Variants in FARP1 observed in about 807,000 individuals in gnomAD.
FARP1 encodes the protein FERM, ARHGEF and pleckstrin domain-containing protein 1.
A neutral mutation model predicts 128.8 loss-of-function variants in FARP1; 52 were observed. The observed-to-expected ratio is 0.40, with a 90% CI of 0.32 to 0.51. The LOEUF is 0.51. Among genes scored for constraint, FARP1 ranks in the 20% least tolerant of loss-of-function variants. The pLI is 0.45. For missense variants in FARP1, 1,333 were observed against 1,367.9 expected (o/e 0.97, Z 0.40); for synonymous variants, 580 against 551.8 (o/e 1.05, Z -0.72).
intron 16 of FARP1, 80 bp from the exon 17 acceptor site, chr13:98,424,492 G>A (rs1891705125): frequency 8.0e-6 from 7 of 872,724 alleles, no homozygotes; most frequent in Middle Eastern, 2.1e-4. Flanking sequence ...GAAAGGAAGC[G>A]GTAGGCTGAT....
At position 98,308,033 on chromosome 13, in the gene FARP1, CTTTTTTTTTTTTTTTTT is replaced by C. The variant is rs10536692; in HGVS notation, c.172-35713_172-35697del. 4.8e-3 allele frequency among the ~76,000 whole-genome samples: 82 copies of C among 16,976 alleles called. 1 individual carries two copies. The highest frequency in any genetic ancestry group is 0.012 in the African/African-American group (78 of 6,650). 11.1% of individuals were successfully genotyped at this position (16,976 alleles called of 152,430 possible). Reference sequence around the variant, plus strand: ...CCCTCCGCCCGCCCCCACTCTCTCTCTTTTTTTTTTTTTTTTTTTTTTTTTTTTTTTTGCTAAATGCA... The same window carrying C: ...CCCTCCGCCCGCCCCCACTCTCTCTCTTTTTTTTTTTTTTTGCTAAATGCA... On this transcript the variant is annotated intron_variant, in intron 2 of 26. Transcript: ENST00000319562.
At chr13:98,236,816 C>T (rs1882446838) in intron 2 of FARP1, among the ~76,000 whole-genome samples, 1 of 151,032 alleles carries the variant, frequency 6.6e-6, no homozygotes, top group African/African-American at 2.4e-5. Flanking sequence ...GGTGAAACCC[C>T]ATCTCTACTA....
At chr13:98,433,402 G>C (rs1478474704) in intron 18 of FARP1, 1 of 152,234 alleles carries the variant, frequency 6.6e-6, no homozygotes, top group African/African-American at 2.4e-5. Context: ...GGTGCCTCCT[G>C]ACATGGTTTG....
chr13:98,217,806 C>G (rs1881170800), intron 2 of FARP1, among the ~76,000 whole-genome samples: 2 of 152,208 alleles, frequency 1.3e-5, no homozygotes, highest in African/African-American at 4.8e-5. Context: ...GCCTCTTGTT[C>G]TTGTTCGTCA....
chr13:98,453,106 C>CT lies in FARP1; in HGVS notation c.*4793dup, dbSNP rs1218523944. The CT allele has an allele frequency of 6.3e-7, 1 of 1,593,588 alleles. No homozygotes were observed. Among genetic ancestry groups the CT allele is most frequent in the African/African-American group, 1.3e-5 (1 of 74,314 alleles). On this transcript the variant is annotated 3_prime_UTR_variant, in exon 27 of 27. Coordinates refer to ENST00000319562, the MANE Select transcript of FARP1 (RefSeq NM_005766.4). ...TGGAGTCAGCGAAGGCTCTCGTTGA[C>CT]TTTTAAAAAAGGAGGAGGATGAAGA...
intron 2 of FARP1, among the ~76,000 whole-genome samples, chr13:98,308,308 C>T (rs571692158): frequency 3.9e-5 from 6 of 152,254 alleles, no homozygotes; most frequent in African/African-American, 9.6e-5. Flanking sequence ...TCAAGGTCAC[C>T]GCTCTTCTCG....
Position 98,225,042 on chromosome 13 carries a change from C to T in FARP1, c.171+11629C>T, listed in dbSNP as rs181799047. Among the ~76,000 whole-genome samples, 16 of 152,258 alleles carry T rather than the reference C, an allele frequency of 1.1e-4. No homozygotes were observed. In the South Asian group the frequency reaches 1.2e-3, roughly 12 times the overall value. ...CACAGACATGCTCTGAATTTCTAGA[C>T]GGTCTTAGCAGTAGAATTCAAATGA... is the stretch of plus-strand genomic sequence containing the variant. On this transcript the variant is annotated intron_variant, in intron 2 of 26. Coordinates refer to ENST00000319562, the MANE Select transcript of FARP1 (RefSeq NM_005766.4).
rs1183517137 is a variant in FARP1 at position 98,450,261 on chromosome 13, C to T, written c.*1944C>T. 6.6e-6 allele frequency: 1 copy of T among 152,086 alleles called. No individual in the cohort carries two copies. Among genetic ancestry groups the T allele is most frequent in the Non-Finnish European group, 1.5e-5 (1 of 68,016 alleles). The allele number at this position is 152,086 out of a possible 1,614,324, so 9.4% of individuals were successfully genotyped here. ...ACAGTCCCTGTGCTTAAGAACATGC[C>T]CTATTAGGTCACTCTGCCTTTGCTG... On this transcript the variant is annotated 3_prime_UTR_variant, in exon 27 of 27. Transcript: ENST00000319562.
At chr13:98,289,048 A>G (rs1168456814) in intron 2 of FARP1, among the ~76,000 whole-genome samples, 2 of 150,068 alleles carry the variant, frequency 1.3e-5, no homozygotes, top group East Asian at 2.0e-4. Flanking sequence ...AATGTTTGCG[A>G]TACCGTGTAC....
chr13:98,403,948 G>T, intron 13 of FARP1: 1 of 152,794 alleles, frequency 6.5e-6, no homozygotes, highest in South Asian at 1.8e-4. Context: ...AGTACAAGAT[G>T]GTATTTTTCA....
At chr13:98,448,080 G>T (rs1045206982) in intron 26 of FARP1, 156 bp from the exon 27 acceptor site, 1 of 662,366 alleles carries the variant, frequency 1.5e-6, no homozygotes, top group East Asian at 2.7e-5. Context: ...CCTCAGGAAC[G>T]CCTGGGTGCT....
At chr13:98,219,360 C>CTT (rs772970842) in intron 2 of FARP1, among the ~76,000 whole-genome samples, 17 of 145,008 alleles carry the variant, frequency 1.2e-4, no homozygotes, top group Admixed American at 4.2e-4. Context: ...ATTAAAAAGT[C>CTT]TTTTTTTTTT....
At chr13:98,207,907 TCCACACACACACACACACACACACAC>T (rs1458478076) in intron 1 of FARP1, among the ~76,000 whole-genome samples, 5 of 33,150 alleles carry the variant, frequency 1.5e-4, no homozygotes, top group African/African-American at 6.0e-4. Flanking sequence ...GACCACCACC[TCCACACACACACACACACACACACAC>T]ACACACACAC....
At position 98,291,521 on chromosome 13, in the gene FARP1, A is replaced by G. The variant is rs1885444392; in HGVS notation, c.172-52241A>G. 1.3e-5 allele frequency among the ~76,000 whole-genome samples: 2 copies of G among 152,196 alleles called. 1 individual carries two copies. The highest frequency in any genetic ancestry group is 1.3e-4 in the Admixed American group (2 of 15,282). ...GTGGGCAGAGTTAGCTGATTATAAA[A>G]TCATTCGTTCAGCAGAACTTGGTGG... On this transcript the variant is annotated intron_variant, in intron 2 of 26. Coordinates refer to ENST00000319562, the MANE Select transcript of FARP1 (RefSeq NM_005766.4).
intron 2 of FARP1, among the ~76,000 whole-genome samples, chr13:98,300,763 C>T (rs79382611): frequency 0.013 from 1,997 of 152,294 alleles, 44 homozygotes; most frequent in African/African-American, 0.045. Flanking sequence ...ATATATGGGG[C>T]ACTTAATGTC....
intron 2 of FARP1, among the ~76,000 whole-genome samples, chr13:98,298,666 C>G (rs1234893903): frequency 5.9e-5 from 9 of 152,058 alleles, no homozygotes; most frequent in Admixed American, 5.9e-4. Context: ...ATCAGCACTT[C>G]ATTAATTCTT....
At position 98,389,966 on chromosome 13, in the gene FARP1, C is replaced by G. The variant is rs940004767; in HGVS notation, c.865C>G (p.Gln289Glu). The G allele has an allele frequency of 1.2e-6, 2 of 1,614,068 alleles. No individual in the cohort carries two copies. Among genetic ancestry groups the G allele is most frequent in the Non-Finnish European group, 1.7e-6 (2 of 1,180,010 alleles). ...KLRPDANSAY[Q>E]DTLEFLMASR... ...TATTTTCCCTTTTTAGAGTGCGTACCAGGATACCTTGGAATTCCTGATGGC... is the reference window on the plus strand; with the variant it reads ...TATTTTCCCTTTTTAGAGTGCGTACGAGGATACCTTGGAATTCCTGATGGC... The change falls in exon 10 of 27, where the codon CAG (glutamine) becomes GAG (glutamate). Residue 289 changes from glutamine to glutamate, a missense_variant. Coordinates refer to ENST00000319562, the MANE Select transcript of FARP1 (RefSeq NM_005766.4).
intron 2 of FARP1, among the ~76,000 whole-genome samples, chr13:98,330,894 T>TG (rs1887479548): frequency 6.6e-6 from 1 of 152,218 alleles, no homozygotes; most frequent in African/African-American, 2.4e-5. Flanking sequence ...CATTTAGGCA[T>TG]GTGAGGCTCT....
At chr13:98,299,582 T>C (rs1186098126) in intron 2 of FARP1, among the ~76,000 whole-genome samples, 2 of 152,236 alleles carry the variant, frequency 1.3e-5, no homozygotes, top group Non-Finnish European at 2.9e-5. Flanking sequence ...AGGAAAAATA[T>C]TAGTAAAGAT....
Sources: allele counts gnomAD v4.1 joint callset (sites outside exome capture counted in the v4.1 genomes callset), GRCh38; gene constraint gnomAD v4.1.1; transcripts MANE v1.5; gene names NCBI Gene and HGNC (gene_info 2026-07-23, HGNC 2026-07-21).